LIPC: variants seen among roughly 807,000 people sequenced by gnomAD.
The protein encoded by LIPC is hepatic triacylglycerol lipase.
In LIPC, 44 loss-of-function variants were observed where a neutral mutation model predicts 50.7. The ratio of observed to expected loss-of-function variants is 0.87; its 90% CI spans 0.68 to 1.11. LIPC has a LOEUF of 1.11. Ranked by LOEUF, LIPC falls within the 50% of genes most tolerant of loss-of-function variation. The pLI is 0.00. For synonymous variants in LIPC, 271 were observed against 256.4 expected (o/e 1.06, Z -0.54); for missense variants, 697 against 648.2 (o/e 1.08, Z -0.82).
chr15:58,499,066 G>C (rs1891879759), intron 1 of LIPC, among the ~76,000 whole-genome samples: 1 of 152,182 alleles, frequency 6.6e-6, no homozygotes, highest in South Asian at 2.1e-4. Context: ...CTCGGCACAA[G>C]AGAGGCCAGG....
intron 1 of LIPC, among the ~76,000 whole-genome samples, chr15:58,496,479 G>A (rs1445663309): frequency 6.6e-6 from 1 of 152,060 alleles, no homozygotes; most frequent in East Asian, 1.9e-4. Flanking sequence ...GAACAAGGGA[G>A]GGAAGGAGAG....
At chr15:58,546,813 G>A (rs1019702589) in intron 5 of LIPC, among the ~76,000 whole-genome samples, 3 of 151,990 alleles carry the variant, frequency 2.0e-5, no homozygotes, top group East Asian at 1.9e-4. Context: ...CACCATCCTC[G>A]CCTCTCCAAT....
intron 1 of LIPC, chr15:58,497,931 T>C (rs1371302631): frequency 6.6e-6 from 1 of 152,160 alleles, no homozygotes; most frequent in African/African-American, 2.4e-5. Flanking sequence ...TATGTATTCA[T>C]GATGTATTTT....
chr15:58,434,727 C>A (rs1031695824), intron 1 of LIPC, among the ~76,000 whole-genome samples: 4 of 152,068 alleles, frequency 2.6e-5, no homozygotes, highest in African/African-American at 9.7e-5. Flanking sequence ...GCCCCAATGC[C>A]TGAGACCCAG....
chr15:58,451,773 C>T lies in LIPC; in HGVS notation c.88+19653C>T, dbSNP rs376806036. ...CACGAGGATGAGCGGGAGGCAAGGG[C>T]GGCTCCTGCTTCCACAGAGGCGAGC... On this transcript the variant is annotated intron_variant, in intron 1 of 8. Transcript: ENST00000299022. Among the ~76,000 whole-genome samples, 49 of 152,294 alleles carry T rather than the reference C, an allele frequency of 3.2e-4. 1 individual carries two copies. In the East Asian group the frequency reaches 6.0e-3, roughly 19 times the overall value.
At chr15:58,432,150 G>C (rs377671394) in intron 1 of LIPC, 30 bp downstream of exon 1, 1 of 1,480,218 alleles carries the variant, frequency 6.8e-7, no homozygotes, top group South Asian at 1.1e-5. Flanking sequence ...CCAGAGATGG[G>C]CATGAACTTT....
intron 1 of LIPC, among the ~76,000 whole-genome samples, chr15:58,496,624 T>C (rs1489255593): frequency 6.6e-6 from 1 of 151,914 alleles, no homozygotes; most frequent in African/African-American, 2.4e-5. Context: ...TCAATTCTTG[T>C]ATATCATTCC....
Position 58,545,736 on chromosome 15 carries a change from C to T in LIPC, c.575-6C>T. 1.9e-6 allele frequency: 3 copies of T among 1,613,628 alleles called. No individual in the cohort carries two copies. Among genetic ancestry groups the T allele is most frequent in the Non-Finnish European group, 2.5e-6 (3 of 1,179,548 alleles). ...TGCGTAACCCTTACCCCTGCTTTCC[C>T]ATTAGGGCTGGATGCCGCGGGACCT... On this transcript the variant is annotated splice_region_variant and splice_polypyrimidine_tract_variant and intron_variant, in intron 4 of 8. Transcript: ENST00000299022.
intron 1 of LIPC, among the ~76,000 whole-genome samples, chr15:58,493,700 A>C (rs1238026997): frequency 6.7e-6 from 1 of 148,370 alleles, no homozygotes; most frequent in African/African-American, 2.4e-5. Context: ...AAATTTATAC[A>C]AAATTTTGTA....
chr15:58,447,507 C>T (rs1365700424), intron 1 of LIPC, among the ~76,000 whole-genome samples: 2 of 152,164 alleles, frequency 1.3e-5, no homozygotes, highest in Admixed American at 1.3e-4. Context: ...AAACCACTTC[C>T]GGACCAGCAG....
chr15:58,535,918 A>G (rs1192239839), intron 1 of LIPC, among the ~76,000 whole-genome samples: 1 of 152,206 alleles, frequency 6.6e-6, no homozygotes, highest in Non-Finnish European at 1.5e-5. Context: ...CAATGTATAA[A>G]TGGCTGAAGA....
At chr15:58,455,542 T>C (rs770443723) in intron 1 of LIPC, among the ~76,000 whole-genome samples, 13 of 152,236 alleles carry the variant, frequency 8.5e-5, no homozygotes, top group Non-Finnish European at 1.5e-4. Flanking sequence ...AATGATTTGA[T>C]TGAGCAAAGA....
intron 1 of LIPC, among the ~76,000 whole-genome samples, chr15:58,438,252 GC>G (rs1566906472): frequency 6.6e-6 from 1 of 152,124 alleles, no homozygotes; most frequent in Non-Finnish European, 1.5e-5. Context: ...AAGAGGCTGG[GC>G]CCCGAGACAG....
Position 58,545,750 on chromosome 15 carries a change from G to GC in LIPC, c.585dup (p.Ala196ArgfsTer6). ...CCCTGCTTTCCCATTAGGGCTGGAT[G>GC]CCGCGGGACCTTTGTTTGAGGGAAG... On this transcript the variant is annotated frameshift_variant, in exon 5 of 9. Transcript: ENST00000299022. LOFTEE classifies it high-confidence loss of function. The GC allele has an allele frequency of 6.2e-7, 1 of 1,614,142 alleles. No individual in the cohort carries two copies. The highest frequency in any genetic ancestry group is 8.5e-7 in the Non-Finnish European group (1 of 1,180,008).
In LIPC at chr15:58,478,563, G is replaced by T. The variant is rs1243283909; in HGVS notation, c.88+46443G>T. Among the ~76,000 whole-genome samples, 3 of 152,218 alleles carry T rather than the reference G, an allele frequency of 2.0e-5. No homozygotes were observed. In the East Asian group the frequency reaches 5.8e-4, roughly 29 times the overall value. ...CCAGCTCACTCTCAACTTAATCCTG[G>T]AACAACCATATAATATAGGTATTAC... On this transcript the variant is annotated intron_variant, in intron 1 of 8. Transcript: ENST00000299022.
At chr15:58,476,220 G>A (rs1890993642) in intron 1 of LIPC, among the ~76,000 whole-genome samples, 1 of 152,260 alleles carries the variant, frequency 6.6e-6, no homozygotes, top group Non-Finnish European at 1.5e-5. Flanking sequence ...CTGGCACCCA[G>A]GTTCTCAGAG....
rs5812938 is a variant in LIPC, at chr15:58,471,328, T to TG, written c.88+39217dup. ...ATTTTTTTTGTATTTTTAGTAGAGA[T>TG]GGGGGGGGGTGGTCTCACCATGTTG... On this transcript the variant is annotated intron_variant, in intron 1 of 8. Transcript: ENST00000299022. Among the ~76,000 whole-genome samples the TG allele has an allele frequency of 8.0e-3, 918 of 114,210 alleles. 29 individuals are homozygous for TG. Among genetic ancestry groups the TG allele is most frequent in the African/African-American group, 0.021 (622 of 29,460 alleles). 74.9% of individuals were successfully genotyped at this position (114,210 alleles called of 152,430 possible).
intron 7 of LIPC, among the ~76,000 whole-genome samples, chr15:58,563,303 G>A (rs188836397): frequency 9.2e-5 from 14 of 152,248 alleles, no homozygotes; most frequent in South Asian, 2.1e-4. Flanking sequence ...TATAGTTTTC[G>A]CAATTTTATT....
At chr15:58,520,394 C>A (rs1374045237) in intron 1 of LIPC, among the ~76,000 whole-genome samples, 2 of 152,114 alleles carry the variant, frequency 1.3e-5, no homozygotes, top group Non-Finnish European at 2.9e-5. Flanking sequence ...CTAAACCATT[C>A]GATGTGCCTA....
Sources: allele counts gnomAD v4.1 joint callset (sites outside exome capture counted in the v4.1 genomes callset), GRCh38; gene constraint gnomAD v4.1.1; transcripts MANE v1.5; gene names NCBI Gene and HGNC (gene_info 2026-07-23, HGNC 2026-07-21).